The following SGCZ variants were observed in gnomAD, a reference collection of about 807,000 sequenced individuals.
SGCZ encodes zeta-sarcoglycan.
In SGCZ, 40 loss-of-function variants were observed where a neutral mutation model predicts 41.3. The observed-to-expected ratio is 0.97, with a 90% CI of 0.75 to 1.26. SGCZ has a LOEUF of 1.26. Among genes scored for constraint, SGCZ ranks in the 50% most tolerant of loss-of-function variants. The probability of loss-of-function intolerance (pLI) is 0.00; values close to 1 mark genes in which losing one functional copy is unlikely to be tolerated. For synonymous variants in SGCZ, 206 were observed against 137.5 expected (o/e 1.50, Z -3.49); for missense variants, 552 against 369.8 (o/e 1.49, Z -4.04).
chr8:14,214,069 G>A (rs117271294), intron 4 of SGCZ, among the ~76,000 whole-genome samples: 1,749 of 152,100 alleles, frequency 0.011, 19 homozygotes, highest in Non-Finnish European at 0.016. Flanking sequence ...TCTAACAAAC[G>A]TTAACCAGGT....
chr8:14,519,955 A>C (rs1802741210), intron 2 of SGCZ, among the ~76,000 whole-genome samples: 1 of 152,122 alleles, frequency 6.6e-6, no homozygotes, highest in African/African-American at 2.4e-5. Flanking sequence ...AAATTATTAA[A>C]TTTATTCAAT....
intron 1 of SGCZ, among the ~76,000 whole-genome samples, chr8:15,084,170 G>C (rs903701156): frequency 2.4e-4 from 36 of 152,174 alleles, no homozygotes; most frequent in Admixed American, 2.6e-4. Context: ...ACTGGCATAT[G>C]TCTGTTAATG....
intron 5 of SGCZ, among the ~76,000 whole-genome samples, chr8:14,150,587 A>T (rs1227714154): frequency 6.6e-6 from 1 of 152,162 alleles, no homozygotes; most frequent in Admixed American, 6.5e-5. Context: ...GTAAATTAGT[A>T]AAACCACTAT....
intron 1 of SGCZ, among the ~76,000 whole-genome samples, chr8:14,650,904 G>A (rs1333474795): frequency 6.6e-6 from 1 of 151,958 alleles, no homozygotes; most frequent in Non-Finnish European, 1.5e-5. Context: ...GCATGCTTAA[G>A]ATGAGAAATA....
chr8:14,975,191 A>G (rs984931064), intron 1 of SGCZ, among the ~76,000 whole-genome samples: 2 of 152,172 alleles, frequency 1.3e-5, no homozygotes, highest in Non-Finnish European at 2.9e-5. Context: ...CTGTAGCCCC[A>G]GCTACTTGGG....
intron 1 of SGCZ, among the ~76,000 whole-genome samples, chr8:15,063,065 G>T (rs1056805121): frequency 6.6e-6 from 1 of 152,076 alleles, no homozygotes; most frequent in African/African-American, 2.4e-5. Flanking sequence ...TCTTTGGTTT[G>T]CCTAGTAAAA....
chr8:15,159,970 C>T (rs1799462177), intron 1 of SGCZ, among the ~76,000 whole-genome samples: 1 of 151,890 alleles, frequency 6.6e-6, no homozygotes, highest in East Asian at 1.9e-4. Context: ...GAGTAGGAGA[C>T]AGAACAGCAG....
chr8:14,227,391 G>A (rs1000594751), intron 4 of SGCZ, among the ~76,000 whole-genome samples: 24 of 152,044 alleles, frequency 1.6e-4, no homozygotes, highest in African/African-American at 5.8e-4. Context: ...GGGTTTGTGA[G>A]CATGTTGAAA....
chr8:14,320,329 T>C lies in SGCZ; in HGVS notation c.336+3774A>G, dbSNP rs77722708. On this transcript the variant is annotated intron_variant, in intron 3 of 7. Transcript: ENST00000382080. ...AAGAAAGAAACCTAAATAGACCAGA[T>C]TTGCCGTGTTACCTGAATGAAAGAG... 4.1e-4 allele frequency among the ~76,000 whole-genome samples: 63 copies of C among 151,942 alleles called. No homozygotes were observed. In the East Asian group the frequency reaches 0.011, roughly 27 times the overall value.
chr8:15,008,801 G>A, intron 1 of SGCZ, among the ~76,000 whole-genome samples: 1 of 92,760 alleles, frequency 1.1e-5, no homozygotes, highest in Non-Finnish European at 2.2e-5. Context: ...CGGAGGGAGG[G>A]GAGGAGGGAG....
chr8:14,256,775 T>C (rs1184923691), intron 3 of SGCZ, among the ~76,000 whole-genome samples: 1 of 152,162 alleles, frequency 6.6e-6, no homozygotes, highest in Non-Finnish European at 1.5e-5. Flanking sequence ...CAACACAAAA[T>C]CTGAGTTATC....
At chr8:14,836,638 G>A (rs925381798) in intron 1 of SGCZ, among the ~76,000 whole-genome samples, 9 of 152,180 alleles carry the variant, frequency 5.9e-5, no homozygotes, top group Admixed American at 2.6e-4. Context: ...AGCTGGGATC[G>A]CAGGTGCTCT....
rs375458754 is a variant in SGCZ at position 14,416,131 on chromosome 8, G to C, written c.235-91927C>G. On this transcript the variant is annotated intron_variant, in intron 2 of 7. Coordinates refer to ENST00000382080, the MANE Select transcript of SGCZ (RefSeq NM_139167.4). ...AAGCAGAGGTGCTGGCTTTAGGCCAGATCTTCCAATTAACATGCATGTGTG... is the reference window on the plus strand; with the variant it reads ...AAGCAGAGGTGCTGGCTTTAGGCCACATCTTCCAATTAACATGCATGTGTG... Among the ~76,000 whole-genome samples the C allele has an allele frequency of 1.2e-4, 19 of 152,010 alleles. No individual in the cohort carries two copies. The South Asian group carries it at 3.7e-3, about 30-fold the overall frequency.
chr8:14,955,304 T>G (rs1350175012), intron 1 of SGCZ, among the ~76,000 whole-genome samples: 2 of 152,240 alleles, frequency 1.3e-5, no homozygotes, highest in Admixed American at 1.3e-4. Context: ...TTTTGTGTTA[T>G]GTTAGTCCAT....
intron 1 of SGCZ, among the ~76,000 whole-genome samples, chr8:14,883,186 C>G (rs1334065329): frequency 1.4e-5 from 2 of 147,516 alleles, no homozygotes; most frequent in Non-Finnish European, 3.0e-5. Flanking sequence ...CAGAACAGAA[C>G]AGAAAGAAGA....
chr8:14,371,489 C>A (rs921213301), intron 2 of SGCZ, among the ~76,000 whole-genome samples: 1 of 151,574 alleles, frequency 6.6e-6, no homozygotes, highest in African/African-American at 2.4e-5. Context: ...AATACCCACA[C>A]TAATTTTATC....
At chr8:15,010,123 G>T (rs552674175) in intron 1 of SGCZ, among the ~76,000 whole-genome samples, 1 of 152,074 alleles carries the variant, frequency 6.6e-6, no homozygotes, top group Non-Finnish European at 1.5e-5. Flanking sequence ...TTAGCCTGTT[G>T]TTCATAATGG....
intron 3 of SGCZ, among the ~76,000 whole-genome samples, chr8:14,314,111 GA>G (rs1044329242): frequency 6.6e-6 from 1 of 152,084 alleles, no homozygotes; most frequent in East Asian, 1.9e-4. Flanking sequence ...GTAATCTGTA[GA>G]AAAAAATACG....
chr8:15,065,413 GTAATTA>G (rs1563480418), intron 1 of SGCZ, among the ~76,000 whole-genome samples: 1 of 125,174 alleles, frequency 8.0e-6, no homozygotes, highest in East Asian at 2.2e-4. Flanking sequence ...ACATGGTATT[GTAATTA>G]TTATTATTAT....
Sources: gnomAD v4.1 joint callset for allele counts (sites outside exome capture counted in the v4.1 genomes callset) on GRCh38, gnomAD v4.1.1 for gene constraint, MANE v1.5 for transcripts, NCBI Gene and HGNC (gene_info 2026-07-23, HGNC 2026-07-21) for gene names.